MYO3B: variants seen among roughly 807,000 people sequenced by gnomAD.
The protein encoded by MYO3B is myosin-IIIb.
Under a neutral mutation model 174.6 loss-of-function variants are expected in MYO3B, and 156 were observed. The ratio of observed to expected loss-of-function variants is 0.89; its 90% CI spans 0.78 to 1.02. MYO3B has a LOEUF of 1.02. Ranked by LOEUF, MYO3B falls within the 50% of genes least tolerant of loss-of-function variation. The probability of loss-of-function intolerance (pLI) is 0.00; values close to 1 mark genes in which losing one functional copy is unlikely to be tolerated. For synonymous variants in MYO3B, 563 were observed against 569.1 expected (o/e 0.99, Z 0.15); for missense variants, 1,632 against 1,639.4 (o/e 1.00, Z 0.08).
At chr2:170,298,380 A>C (rs2093641485) in intron 7 of MYO3B, among the ~76,000 whole-genome samples, 1 of 152,164 alleles carries the variant, frequency 6.6e-6, no homozygotes. Context: ...CTAGAACTTT[A>C]AAAGTTGAAT....
chr2:170,587,750 C>G (rs777833568), intron 32 of MYO3B, among the ~76,000 whole-genome samples: 8 of 152,204 alleles, frequency 5.3e-5, no homozygotes, highest in Non-Finnish European at 8.8e-5. Context: ...AAGGCCAGAC[C>G]TGACTACAGT....
At chr2:170,613,499 C>T (rs1255324634) in intron 32 of MYO3B, among the ~76,000 whole-genome samples, 1 of 152,184 alleles carries the variant, frequency 6.6e-6, no homozygotes, top group Non-Finnish European at 1.5e-5. Context: ...AGATTGATGC[C>T]ACTCACAAAA....
intron 7 of MYO3B, among the ~76,000 whole-genome samples, chr2:170,308,226 T>C (rs2093713748): frequency 6.6e-6 from 1 of 152,202 alleles, no homozygotes; most frequent in African/African-American, 2.4e-5. Flanking sequence ...AAAACGTGAA[T>C]GTTCTGTTCT....
intron 32 of MYO3B, among the ~76,000 whole-genome samples, chr2:170,549,061 A>G (rs1344764350): frequency 6.6e-6 from 1 of 152,168 alleles, no homozygotes; most frequent in Non-Finnish European, 1.5e-5. Flanking sequence ...CCTATGAATA[A>G]AAGAACAGGA....
intron 8 of MYO3B, among the ~76,000 whole-genome samples, chr2:170,366,005 G>A (rs147615795): frequency 1.3e-5 from 2 of 152,124 alleles, no homozygotes; most frequent in Non-Finnish European, 2.9e-5. Flanking sequence ...AATGAAGGTT[G>A]CCAGGTGGAG....
At chr2:170,384,730 G>A (rs912368182) in intron 12 of MYO3B, among the ~76,000 whole-genome samples, 4 of 152,154 alleles carry the variant, frequency 2.6e-5, no homozygotes, top group African/African-American at 9.7e-5. Flanking sequence ...GCCTCACTGT[G>A]TTGTCTTTTT....
chr2:170,182,714 T>A (rs2092416940), intron 1 of MYO3B, among the ~76,000 whole-genome samples: 1 of 151,360 alleles, frequency 6.6e-6, no homozygotes, highest in Admixed American at 6.6e-5. Context: ...CAGGTTTATG[T>A]TATTCTCCTG....
chr2:170,554,263 G>A (rs1377909782), intron 32 of MYO3B, among the ~76,000 whole-genome samples: 6 of 152,224 alleles, frequency 3.9e-5, no homozygotes, highest in Non-Finnish European at 8.8e-5. Context: ...CAAAACTGGT[G>A]CTCTCTGAAG....
At chr2:170,203,831 C>T (rs2092689298) in intron 3 of MYO3B, among the ~76,000 whole-genome samples, 1 of 151,938 alleles carries the variant, frequency 6.6e-6, no homozygotes, top group Non-Finnish European at 1.5e-5. Context: ...ATGCTGGGAG[C>T]CTGGATGAAG....
chr2:170,309,963 G>A (rs528963877), intron 7 of MYO3B, among the ~76,000 whole-genome samples: 1 of 152,044 alleles, frequency 6.6e-6, no homozygotes, highest in African/African-American at 2.4e-5. Context: ...TCTGCATTCT[G>A]TCTCTATGCC....
intron 7 of MYO3B, among the ~76,000 whole-genome samples, chr2:170,283,089 C>A (rs574084999): frequency 2.0e-5 from 3 of 152,144 alleles, no homozygotes; most frequent in Non-Finnish European, 4.4e-5. Flanking sequence ...TTTGGTGGGG[C>A]TGGGCTCTCA....
intron 25 of MYO3B, among the ~76,000 whole-genome samples, chr2:170,487,296 T>G (rs1269136622): frequency 6.6e-6 from 1 of 152,246 alleles, no homozygotes; most frequent in African/African-American, 2.4e-5. Context: ...CACACTGATT[T>G]TTTATTCTTA....
intron 9 of MYO3B, among the ~76,000 whole-genome samples, chr2:170,380,156 G>C (rs542365771): frequency 6.6e-6 from 1 of 152,272 alleles, no homozygotes; most frequent in South Asian, 2.1e-4. Context: ...CATAAGCTGT[G>C]ATGTTGATGG....
At chr2:170,212,243 CAAAAA>C (rs57947187) in intron 3 of MYO3B, among the ~76,000 whole-genome samples, 14 of 127,996 alleles carry the variant, frequency 1.1e-4, no homozygotes, top group East Asian at 2.3e-4. Flanking sequence ...AACTCCCTCT[CAAAAA>C]AAAAAAAAAA....
chr2:170,619,737 C>T (rs374015333), intron 32 of MYO3B, among the ~76,000 whole-genome samples: 538 of 50,660 alleles, frequency 0.011, 2 homozygotes, highest in Middle Eastern at 0.091. Flanking sequence ...CTGCCATATT[C>T]TTTTTTTTTT....
At chr2:170,632,706 G>C (rs1387351577) in intron 32 of MYO3B, among the ~76,000 whole-genome samples, 2 of 151,980 alleles carry the variant, frequency 1.3e-5, no homozygotes, top group African/African-American at 2.4e-5. Flanking sequence ...CTGGTTTTTT[G>C]AAAAGATCAA....
intron 27 of MYO3B, among the ~76,000 whole-genome samples, chr2:170,500,524 G>A (rs1196592143): frequency 2.0e-5 from 3 of 152,204 alleles, no homozygotes; most frequent in Admixed American, 1.3e-4. Context: ...TGCATTTGCT[G>A]CTACCCAGGT....
chr2:170,218,488 A>G (rs978644928), intron 6 of MYO3B, among the ~76,000 whole-genome samples: 18 of 152,232 alleles, frequency 1.2e-4, no homozygotes, highest in African/African-American at 4.3e-4. Context: ...TATGAGACAA[A>G]TGATACTGTT....
At chr2:170,479,795 A>G (rs1246033634) in intron 25 of MYO3B, among the ~76,000 whole-genome samples, 2 of 148,178 alleles carry the variant, frequency 1.3e-5, no homozygotes, top group African/African-American at 4.9e-5. Context: ...ATAAGAACTA[A>G]ATATATTAGT....
Sources: allele counts gnomAD v4.1 joint callset (sites outside exome capture counted in the v4.1 genomes callset), GRCh38; gene constraint gnomAD v4.1.1; transcripts MANE v1.5; gene names NCBI Gene and HGNC (gene_info 2026-07-23, HGNC 2026-07-21).